DIP2C: variants seen among roughly 807,000 people sequenced by gnomAD.
The protein encoded by DIP2C is disco-interacting protein 2 homolog C.
A neutral mutation model predicts 192.4 loss-of-function variants in DIP2C; 33 were observed. That is an observed-to-expected ratio of 0.17 (90% CI 0.13 to 0.23). The LOEUF is 0.23. Ranked by LOEUF, DIP2C falls within the 10% of genes least tolerant of loss-of-function variation. DIP2C has a pLI of 1.00. For missense variants in DIP2C, 1,537 were observed against 2,110.1 expected (o/e 0.73, Z 5.32); for synonymous variants, 979 against 864.1 (o/e 1.13, Z -2.33).
At chr10:354,075 C>T (rs944074116) in intron 24 of DIP2C, among the ~76,000 whole-genome samples, 3 of 152,112 alleles carry the variant, frequency 2.0e-5, no homozygotes, top group Admixed American at 6.6e-5. Context: ...TGATGCTTGG[C>T]GCAAAATAAC....
intron 1 of DIP2C, among the ~76,000 whole-genome samples, chr10:612,517 C>A (rs1274242282): frequency 6.6e-6 from 1 of 152,114 alleles, no homozygotes; most frequent in Non-Finnish European, 1.5e-5. Flanking sequence ...GGGGTAAGAC[C>A]TCAAGGCAAA....
At chr10:514,792 G>A (rs928663628) in intron 1 of DIP2C, among the ~76,000 whole-genome samples, 15 of 152,110 alleles carry the variant, frequency 9.9e-5, no homozygotes, top group African/African-American at 3.1e-4. Flanking sequence ...CCCCTTCCAT[G>A]GGGGGCTTTA....
chr10:525,123 A>G (rs1434112386), intron 1 of DIP2C, among the ~76,000 whole-genome samples: 1 of 152,224 alleles, frequency 6.6e-6, no homozygotes, highest in Non-Finnish European at 1.5e-5. Context: ...TAAAATACAG[A>G]AAAGCATTCT....
intron 1 of DIP2C, among the ~76,000 whole-genome samples, chr10:497,559 T>TGTC (rs1267944928): frequency 6.6e-6 from 1 of 152,194 alleles, no homozygotes; most frequent in African/African-American, 2.4e-5. Context: ...CTCAAGACCT[T>TGTC]GTCTTCTTCC....
intron 17 of DIP2C, among the ~76,000 whole-genome samples, chr10:376,049 A>G (rs1307525382): frequency 6.6e-6 from 1 of 152,238 alleles, no homozygotes; most frequent in Non-Finnish European, 1.5e-5. Flanking sequence ...AACGGCGGTA[A>G]CATTTGTTGA....
intron 1 of DIP2C, among the ~76,000 whole-genome samples, chr10:523,380 A>C (rs3121255): frequency 1.6e-5 from 1 of 63,768 alleles, no homozygotes; most frequent in African/African-American, 4.5e-5. Context: ...TGTGTCACCC[A>C]CACACTCGTT....
intron 1 of DIP2C, among the ~76,000 whole-genome samples, chr10:568,553 G>C (rs1365102703): frequency 6.6e-6 from 1 of 151,878 alleles, no homozygotes; most frequent in Admixed American, 6.6e-5. Context: ...GGATCATGAG[G>C]TCAGGAGATC....
rs138385720 is a variant in DIP2C at position 277,523 on chromosome 10, C to T, written c.4473G>A (p.Ser1491=). Residue 1491 remains serine (S), a synonymous_variant, in exon 37 of 37, where the codon TCG becomes TCA. Coordinates refer to ENST00000280886, the MANE Select transcript of DIP2C (RefSeq NM_014974.3). ...GAACCAGGTCCAAGGCTTCTTGTTC[C>T]GACCCATCCAGCTCAACCACAACCA... ...LLVVVVELDG[S]EQEALDLVPL... is the part of the protein sequence containing the mutation. 1.0e-4 allele frequency: 168 copies of T among 1,614,118 alleles called. No homozygotes were observed. Among genetic ancestry groups the T allele is most frequent in the Admixed American group, 1.7e-4 (10 of 60,020 alleles).
At chr10:391,488 A>G (rs1963452703) in intron 10 of DIP2C, among the ~76,000 whole-genome samples, 2 of 152,208 alleles carry the variant, frequency 1.3e-5, no homozygotes, top group Non-Finnish European at 2.9e-5. Context: ...CCAGGCTGCC[A>G]GCTCCGGTTT....
chr10:590,832 C>G (rs1475316200), intron 1 of DIP2C, among the ~76,000 whole-genome samples: 1 of 152,050 alleles, frequency 6.6e-6, no homozygotes, highest in African/African-American at 2.4e-5. Context: ...CTCCACCGCA[C>G]CAGAGCCTGC....
chr10:480,527 A>G (rs1206379362), intron 2 of DIP2C, among the ~76,000 whole-genome samples: 1 of 152,226 alleles, frequency 6.6e-6, no homozygotes. Context: ...TGAGATGCCA[A>G]TCTCACCATC....
intron 32 of DIP2C, among the ~76,000 whole-genome samples, chr10:292,798 A>T (rs1955557552): frequency 6.6e-6 from 1 of 152,208 alleles, no homozygotes; most frequent in Non-Finnish European, 1.5e-5. Flanking sequence ...CCTTCCCTGC[A>T]AAGCTACAGA....
At chr10:321,590 GCGAGAGACCGGCGC>G (rs1478983475) in intron 31 of DIP2C, among the ~76,000 whole-genome samples, 320 of 146,086 alleles carry the variant, frequency 2.2e-3, no homozygotes, top group East Asian at 4.2e-3. Context: ...CGGGGCTCCA[GCGAGAGACCGGCGC>G]TGTTAGAACA....
intron 1 of DIP2C, 37 bp from the exon 2 acceptor site, chr10:486,567 C>G: frequency 6.4e-7 from 1 of 1,553,642 alleles, no homozygotes; most frequent in Non-Finnish European, 8.8e-7. Context: ...GTATGGTCTC[C>G]GTGGATAGAG....
At chr10:327,971 G>A (rs1174971527) in intron 30 of DIP2C, among the ~76,000 whole-genome samples, 2 of 152,188 alleles carry the variant, frequency 1.3e-5, no homozygotes, top group African/African-American at 4.8e-5. Flanking sequence ...AAGTAAGGGA[G>A]CGACAGGAAT....
At chr10:446,633 T>C (rs1440138352) in intron 3 of DIP2C, among the ~76,000 whole-genome samples, 1 of 152,160 alleles carries the variant, frequency 6.6e-6, no homozygotes, top group Non-Finnish European at 1.5e-5. Flanking sequence ...CCACGGAGAA[T>C]GGCCATGATC....
At chr10:301,310 C>T (rs1228047650) in intron 32 of DIP2C, among the ~76,000 whole-genome samples, 1 of 152,102 alleles carries the variant, frequency 6.6e-6, no homozygotes, top group Non-Finnish European at 1.5e-5. Flanking sequence ...TGCAGAGAAA[C>T]GACTTCAGAG....
chr10:283,492 C>G, intron 34 of DIP2C, 46 bp from the exon 35 acceptor site: 4 of 1,602,736 alleles, frequency 2.5e-6, no homozygotes, highest in Non-Finnish European at 3.4e-6. Flanking sequence ...TATTTTATCT[C>G]CAGGGAAATG....
Position 618,884 on chromosome 10 carries a change from C to G in DIP2C, c.85+70610G>C, listed in dbSNP as rs558240775. On this transcript the variant is annotated intron_variant, in intron 1 of 36. Coordinates refer to ENST00000280886, the MANE Select transcript of DIP2C (RefSeq NM_014974.3). The stretch of plus-strand genomic sequence containing the variant: ...TCCCTCGCCAAGGTATGCCTGGCTT[C>G]TCCCTTTTTCCAGAACTTAACAAAA... 2.0e-5 allele frequency among the ~76,000 whole-genome samples: 3 copies of G among 152,354 alleles called. No homozygotes were observed. The East Asian group carries it at 5.8e-4, about 29-fold the overall frequency.
Sources: gnomAD v4.1 joint callset for allele counts (sites outside exome capture counted in the v4.1 genomes callset) on GRCh38, gnomAD v4.1.1 for gene constraint, MANE v1.5 for transcripts, NCBI Gene and HGNC (gene_info 2026-07-23, HGNC 2026-07-21) for gene names.